KCNG2: variants seen among roughly 807,000 people sequenced by gnomAD.
KCNG2 encodes voltage-gated potassium channel regulatory subunit KCNG2.
KCNG2 carries 7 observed loss-of-function variants against 12.3 expected under a neutral mutation model. That is an observed-to-expected ratio of 0.57 (90% CI 0.32 to 1.07). The LOEUF (loss-of-function observed/expected upper bound fraction) is 1.07. Among genes scored for constraint, KCNG2 ranks in the 50% least tolerant of loss-of-function variants. The pLI, the probability that KCNG2 is intolerant of heterozygous loss-of-function variation, is 0.04. For missense variants in KCNG2, 703 were observed against 726.0 expected (o/e 0.97, Z 0.36); for synonymous variants, 414 against 351.4 (o/e 1.18, Z -1.99).
Position 79,800,538 on chromosome 18 carries a change from C to T in KCNG2, c.-115+2524C>T, listed in dbSNP as rs932904093. 6.6e-6 allele frequency among the ~76,000 whole-genome samples: 1 copy of T among 152,206 alleles called. No homozygotes were observed. The highest frequency in any genetic ancestry group is 6.5e-5 in the Admixed American group (1 of 15,284). The stretch of plus-strand genomic sequence containing the variant: ...GAGGCAGGATCTCGGCCCCCTAAAC[C>T]GGCTGAATCAGAGCCTGCCTCTGAC... On this transcript the variant is annotated intron_variant, in intron 1 of 3. Coordinates refer to ENST00000316249, the MANE Select transcript of KCNG2 (RefSeq NM_012283.2). This position sits in a 1 kb window ranked among gnomAD's most constrained non-coding sequence, Gnocchi z 4.0.
intron 1 of KCNG2, among the ~76,000 whole-genome samples, chr18:79,855,974 C>A (rs1978995259): frequency 6.6e-6 from 1 of 152,096 alleles, no homozygotes; most frequent in Admixed American, 6.5e-5. Context: ...TGTGCGTTGT[C>A]TTTCTTTTTC....
At chr18:79,828,840 A>G (rs1978288508) in intron 1 of KCNG2, among the ~76,000 whole-genome samples, 1 of 110,210 alleles carries the variant, frequency 9.1e-6, no homozygotes, top group Non-Finnish European at 1.8e-5. Flanking sequence ...CATGTCCATG[A>G]TGTGTGCATG....
intron 1 of KCNG2, among the ~76,000 whole-genome samples, chr18:79,819,187 G>A (rs939930378): frequency 2.0e-5 from 3 of 152,194 alleles, no homozygotes; most frequent in Non-Finnish European, 4.4e-5. Flanking sequence ...GCCGGCGAGG[G>A]CACCCAGGAC....
At chr18:79,896,584 G>A (rs919584594) in intron 3 of KCNG2, among the ~76,000 whole-genome samples, 4 of 152,048 alleles carry the variant, frequency 2.6e-5, no homozygotes, top group Non-Finnish European at 4.4e-5. Context: ...AGCTTAATAC[G>A]TTATATACAT....
rs1385874393 is a variant in KCNG2 at position 79,885,955 on chromosome 18, G to A, written c.625-13085G>A. 4.6e-3 allele frequency among the ~76,000 whole-genome samples: 111 copies of A among 24,384 alleles called. 40 individuals carry two copies. Among genetic ancestry groups the A allele is most frequent in the Middle Eastern group, 0.022 (1 of 46 alleles). 16.0% of individuals were successfully genotyped at this position (24,384 alleles called of 152,430 possible). ...GTGGGGACAGGGACATGGGGACACG[G>A]GACAGGGAGATGGGGATGGGAACAT... On this transcript the variant is annotated intron_variant, in intron 3 of 3. Coordinates refer to ENST00000316249, the MANE Select transcript of KCNG2 (RefSeq NM_012283.2).
Position 79,822,719 on chromosome 18 carries a change from G to A in KCNG2, c.-115+24705G>A, listed in dbSNP as rs1568245764. ...TGCTGAGATCACAGGTGTGAGCACC[G>A]TGCTGGGCCTTCAAACGTGTGCTGT... On this transcript the variant is annotated intron_variant, in intron 1 of 3. Transcript: ENST00000316249. The surrounding 1 kb of genome is among the most constrained non-coding windows in gnomAD (Gnocchi z 4.4). 6.6e-6 allele frequency among the ~76,000 whole-genome samples: 1 copy of A among 152,186 alleles called. No individual in the cohort carries two copies.
chr18:79,834,507 G>C (rs980801028), intron 1 of KCNG2, among the ~76,000 whole-genome samples: 6 of 152,174 alleles, frequency 3.9e-5, no homozygotes, highest in South Asian at 2.1e-4. Context: ...AAAGGAATGA[G>C]AAAAAGACAG....
At chr18:79,824,055 T>G (rs1824493226) in intron 1 of KCNG2, among the ~76,000 whole-genome samples, 1 of 152,220 alleles carries the variant, frequency 6.6e-6, no homozygotes, top group Admixed American at 6.5e-5. Context: ...CAGGCTGGAG[T>G]GCAGTGGCAC....
Position 79,863,716 on chromosome 18 carries a change from C to G in KCNG2, c.49C>G (p.Arg17Gly), listed in dbSNP as rs1214920289. ...GGGCGGCGGCGGCGGGACCCGCGCC[C>G]GGCACGTCATCATCAACGTGGGCGG... Reference protein sequence around the residue: ...SPGGGGGTRARHVIINVGGCR... With the variant: ...SPGGGGGTRAGHVIINVGGCR... The change falls in exon 3 of 4, where the codon CGG (arginine) becomes GGG (glycine). Residue 17 changes from arginine to glycine, a missense_variant. Transcript: ENST00000316249. 8.3e-7 allele frequency: 1 copy of G among 1,205,070 alleles called. No homozygotes were observed. The highest frequency in any genetic ancestry group is 1.6e-5 in the African/African-American group (1 of 63,034). 74.6% of individuals were successfully genotyped at this position (1,205,070 alleles called of 1,614,324 possible).
At chr18:79,879,762 TC>T (rs1218224478) in intron 3 of KCNG2, among the ~76,000 whole-genome samples, 2 of 151,750 alleles carry the variant, frequency 1.3e-5, no homozygotes, top group Non-Finnish European at 2.9e-5. Context: ...AGTGCACGAA[TC>T]CCCCAAGGCT....
intron 1 of KCNG2, among the ~76,000 whole-genome samples, chr18:79,847,390 TG>T (rs1978661767): frequency 6.6e-6 from 1 of 152,172 alleles, no homozygotes. Flanking sequence ...AATCAAAACC[TG>T]GACATTGCCA....
At chr18:79,897,037 T>C (rs1409928235) in intron 3 of KCNG2, among the ~76,000 whole-genome samples, 2 of 152,252 alleles carry the variant, frequency 1.3e-5, no homozygotes, top group African/African-American at 4.8e-5. Flanking sequence ...TCGTTACTTG[T>C]ATTATGATGT....
chr18:79,861,725 CT>C, intron 2 of KCNG2, among the ~76,000 whole-genome samples: 1 of 152,192 alleles, frequency 6.6e-6, no homozygotes, highest in East Asian at 1.9e-4. Flanking sequence ...AATATTCTTT[CT>C]TCCCTGTTCC....
At chr18:79,827,842 T>G (rs1978287329) in intron 1 of KCNG2, among the ~76,000 whole-genome samples, 1 of 152,188 alleles carries the variant, frequency 6.6e-6, no homozygotes, top group Admixed American at 6.5e-5. Context: ...AATGTACCAA[T>G]TATAATCCTT....
chr18:79,883,435 C>T (rs1453386917), intron 3 of KCNG2, among the ~76,000 whole-genome samples: 1 of 152,214 alleles, frequency 6.6e-6, no homozygotes, highest in Non-Finnish European at 1.5e-5. Context: ...TCTGACGTTC[C>T]CTGACAACTC....
chr18:79,844,735 T>TA (rs1370979031), intron 1 of KCNG2, among the ~76,000 whole-genome samples: 3 of 152,302 alleles, frequency 2.0e-5, no homozygotes, highest in Middle Eastern at 3.4e-3. Context: ...TGCCTAAAAT[T>TA]AAAAACGGTG....
chr18:79,819,255 G>A (rs988703042), intron 1 of KCNG2, among the ~76,000 whole-genome samples: 20 of 152,206 alleles, frequency 1.3e-4, no homozygotes, highest in Admixed American at 1.0e-3. Context: ...CTACCCGGGT[G>A]CAGCCCAGGA....
At chr18:79,860,750 G>GT (rs2123061938) in intron 2 of KCNG2, among the ~76,000 whole-genome samples, 1 of 152,268 alleles carries the variant, frequency 6.6e-6, no homozygotes, top group East Asian at 1.9e-4. Context: ...ATAAGATCAA[G>GT]TCATCTCAAA....
intron 1 of KCNG2, among the ~76,000 whole-genome samples, chr18:79,825,678 C>T (rs1252156225): frequency 6.6e-6 from 1 of 152,196 alleles, no homozygotes; most frequent in East Asian, 1.9e-4. Flanking sequence ...AGATCAATCA[C>T]GCTGTCATTT....
Sources: allele counts gnomAD v4.1 joint callset (sites outside exome capture counted in the v4.1 genomes callset), GRCh38; gene constraint gnomAD v4.1.1; non-coding constraint Gnocchi (gnomAD v3.1); transcripts MANE v1.5; gene names NCBI Gene and HGNC (gene_info 2026-07-23, HGNC 2026-07-21).